Variants in PIEZO2 observed in about 807,000 individuals in gnomAD.
PIEZO2 encodes piezo-type mechanosensitive ion channel component 2.
PIEZO2 carries 172 observed loss-of-function variants against 337.3 expected under a neutral mutation model. The observed-to-expected ratio is 0.51, with a 90% CI of 0.45 to 0.58. The LOEUF is 0.58. Ranked by LOEUF, PIEZO2 falls within the 20% of genes least tolerant of loss-of-function variation. PIEZO2 has a pLI of 0.00. For synonymous variants in PIEZO2, 1,251 were observed against 1,228.5 expected, an observed-to-expected ratio of 1.02 and a Z score of -0.38; for missense variants, 3,028 against 3,391.3, an observed-to-expected ratio of 0.89 and a Z score of 2.66.
intron 3 of PIEZO2, among the ~76,000 whole-genome samples, chr18:10,934,682 T>TGTGTGTGTGTGG (rs57395445): frequency 7.0e-6 from 1 of 143,002 alleles, no homozygotes; most frequent in Non-Finnish European, 1.5e-5. Context: ...TGTGTGTGTG[T>TGTGTGTGTGTGG]TGGGCTCCTT....
At chr18:10,987,814 C>A (rs1186734170) in intron 2 of PIEZO2, among the ~76,000 whole-genome samples, 9 of 151,844 alleles carry the variant, frequency 5.9e-5, no homozygotes, top group Non-Finnish European at 1.2e-4. Flanking sequence ...GGTTAATATA[C>A]AAAATATATA....
At chr18:10,715,217 T>A (rs1006031180) in intron 38 of PIEZO2, among the ~76,000 whole-genome samples, 2 of 152,260 alleles carry the variant, frequency 1.3e-5, no homozygotes, top group Non-Finnish European at 2.9e-5. Context: ...ACCATATATT[T>A]TGTTATTCTG....
At chr18:10,984,506 C>CA (rs2034792788) in intron 2 of PIEZO2, among the ~76,000 whole-genome samples, 2 of 151,916 alleles carry the variant, frequency 1.3e-5, no homozygotes, top group South Asian at 4.2e-4. Context: ...TCAAAGAACT[C>CA]AAAGACAGAT....
rs368337453 is a variant in PIEZO2, at chr18:10,676,616, A to G, written c.8081+1131T>C. 1.3e-5 allele frequency among the ~76,000 whole-genome samples: 2 copies of G among 152,206 alleles called. No homozygotes were observed. Among genetic ancestry groups the G allele is most frequent in the African/African-American group, 4.8e-5 (2 of 41,442 alleles). On this transcript the variant is annotated intron_variant, in intron 53 of 55. Coordinates refer to ENST00000674853, the MANE Select transcript of PIEZO2 (RefSeq NM_001378183.1). This position sits in a 1 kb window ranked among gnomAD's most constrained non-coding sequence, Gnocchi z 5.1. Reference sequence around the variant, plus strand: ...GAATAATAGTAGAAAAGGGTCTCACAGGGTCTTTGCCTGGCTTTTGGTGAT... The same window carrying G: ...GAATAATAGTAGAAAAGGGTCTCACGGGGTCTTTGCCTGGCTTTTGGTGAT...
At chr18:10,923,636 T>G (rs1168727099) in intron 3 of PIEZO2, among the ~76,000 whole-genome samples, 2 of 152,258 alleles carry the variant, frequency 1.3e-5, no homozygotes, top group Non-Finnish European at 2.9e-5. Flanking sequence ...TATGTTTCAG[T>G]AGCTTCAATG....
rs2036537611 is a variant in PIEZO2 at position 10,726,334 on chromosome 18, G to A, written c.5029+5073C>T. On this transcript the variant is annotated intron_variant, in intron 36 of 55. Coordinates refer to ENST00000674853, the MANE Select transcript of PIEZO2 (RefSeq NM_001378183.1). This position sits in a 1 kb window ranked among gnomAD's most constrained non-coding sequence, Gnocchi z 5.9. Reference sequence around the variant, plus strand: ...GAGCAGGTGGGTCCCCGAACGCCCCGCCCAGCGCTGCCTCCCTTCGCCTTC... The same window carrying A: ...GAGCAGGTGGGTCCCCGAACGCCCCACCCAGCGCTGCCTCCCTTCGCCTTC... 2 of 1,455,214 alleles carry A rather than the reference G, an allele frequency of 1.4e-6. No individual in the cohort carries two copies. Among genetic ancestry groups the A allele is most frequent in the Non-Finnish European group, 1.8e-6 (2 of 1,090,470 alleles). The allele number at this position is 1,455,214 out of a possible 1,614,324, so 90.1% of individuals were successfully genotyped here. A position where few individuals can be genotyped will look rare whatever the true frequency, so the allele number is the denominator to read the frequency against.
chr18:10,995,082 A>AAAAAAAAAATAAAG (rs534311613), intron 2 of PIEZO2, among the ~76,000 whole-genome samples: 1 of 128,122 alleles, frequency 7.8e-6, no homozygotes. Context: ...CGTCTCAAAA[A>AAAAAAAAAATAAAG]AAAAAAAAAA....
intron 3 of PIEZO2, among the ~76,000 whole-genome samples, chr18:10,935,690 A>C (rs527408038): frequency 1.3e-5 from 2 of 152,308 alleles, no homozygotes; most frequent in African/African-American, 4.8e-5. Context: ...ACCAAGAGCA[A>C]CTGGGGCCGC....
intron 3 of PIEZO2, among the ~76,000 whole-genome samples, chr18:10,950,748 G>C (rs541409672): frequency 3.9e-5 from 6 of 152,002 alleles, no homozygotes; most frequent in South Asian, 4.2e-4. Flanking sequence ...TACCAAATCC[G>C]AGCTTCCTCG....
chr18:10,999,184 CAAAA>C (rs35723374), intron 2 of PIEZO2, among the ~76,000 whole-genome samples: 1 of 111,678 alleles, frequency 9.0e-6, no homozygotes, highest in African/African-American at 3.3e-5. Flanking sequence ...AAGGCAACAG[CAAAA>C]AAAAAAAAAA....
intron 5 of PIEZO2, among the ~76,000 whole-genome samples, chr18:10,867,419 A>C (rs995433609): frequency 2.6e-5 from 4 of 152,218 alleles, no homozygotes; most frequent in Non-Finnish European, 5.9e-5. Flanking sequence ...AGGAATTAGA[A>C]AGCAGGGTGC....
chr18:10,689,608 A>G (rs542144481), intron 49 of PIEZO2, 47 bp downstream of exon 49: 2 of 1,611,896 alleles, frequency 1.2e-6, no homozygotes, highest in Non-Finnish European at 1.7e-6. Flanking sequence ...ACCAGCCTGT[A>G]TCTAAGAGAA....
At chr18:10,798,704 A>G (rs1014721280) in intron 11 of PIEZO2, among the ~76,000 whole-genome samples, 1 of 152,194 alleles carries the variant, frequency 6.6e-6, no homozygotes, top group African/African-American at 2.4e-5. Context: ...ACTTGTCCAC[A>G]TGAAAGTAAT....
intron 1 of PIEZO2, among the ~76,000 whole-genome samples, chr18:11,139,894 C>T (rs970823812): frequency 2.0e-5 from 3 of 152,142 alleles, no homozygotes; most frequent in African/African-American, 7.2e-5. Flanking sequence ...GTAGACTGCC[C>T]ATCGAGTTCT....
At position 10,696,194 on chromosome 18, in the gene PIEZO2, A is replaced by G; in HGVS notation, c.7070T>C (p.Met2357Thr). Residue 2357 changes from methionine to threonine, a missense_variant, in exon 47 of 56, where the codon ATG (methionine) becomes ACG (threonine). By Grantham distance (81) the Met-to-Thr change is moderately conservative (BLOSUM62 -1). Coordinates refer to ENST00000674853, the MANE Select transcript of PIEZO2 (RefSeq NM_001378183.1). The part of the protein sequence containing the change: ...LVMVLIQFGT[M>T]VVDRALYLRK... The stretch of plus-strand genomic sequence containing the variant: ...GAGGTAGAGGGCTCGGTCCACCACC[A>G]TGGTTCCAAACTGAATGAGGACCAT... 6.2e-7 allele frequency: 1 copy of G among 1,613,642 alleles called. No homozygotes were observed. The highest frequency in any genetic ancestry group is 8.5e-7 in the Non-Finnish European group (1 of 1,179,652).
intron 47 of PIEZO2, among the ~76,000 whole-genome samples, chr18:10,693,785 T>A (rs2143655723): frequency 6.6e-6 from 1 of 152,206 alleles, no homozygotes; most frequent in South Asian, 2.1e-4. Flanking sequence ...GTATCTATCT[T>A]AATCTGCAAA....
Position 10,731,423 on chromosome 18 carries a change from C to T in PIEZO2, c.5013G>A (p.Arg1671=). The change falls in exon 36 of 56, where the codon CGG becomes CGA. Residue 1671 remains arginine, a synonymous_variant. Transcript: ENST00000674853. The part of the protein sequence containing the change: ...RSAREERKRR[R]KGSKEGPVEW... ...ACCACTCACCCTCCTTGGATCCTTT[C>T]CGCCTTCGTTTCCGTTCTTCTCTTG... 5.2e-6 allele frequency: 8 copies of T among 1,534,874 alleles called. No individual in the cohort carries two copies. The highest frequency in any genetic ancestry group is 7.0e-6 in the Non-Finnish European group (8 of 1,145,830).
In PIEZO2 at chr18:10,746,876, T is replaced by C. The variant is rs561152937; in HGVS notation, c.4424+1595A>G. ...GAGTGTATACTGTTTATAGACCACCTACTTTATGGTATTTTTGTTATGTCC... is the reference window on the plus strand; with the variant it reads ...GAGTGTATACTGTTTATAGACCACCCACTTTATGGTATTTTTGTTATGTCC... On this transcript the variant is annotated intron_variant, in intron 30 of 55. Transcript: ENST00000674853. This position sits in a 1 kb window ranked among gnomAD's most constrained non-coding sequence, Gnocchi z 4.2. 1.6e-4 allele frequency among the ~76,000 whole-genome samples: 24 copies of C among 152,300 alleles called. No homozygotes were observed. The highest frequency in any genetic ancestry group is 5.5e-4 in the African/African-American group (23 of 41,564).
intron 34 of PIEZO2, among the ~76,000 whole-genome samples, 97 bp from the exon 35 acceptor site, chr18:10,735,427 C>A (rs2036957574): frequency 6.6e-6 from 1 of 152,086 alleles, no homozygotes; most frequent in South Asian, 2.1e-4. Flanking sequence ...TACAGTTACA[C>A]CAACTAGGTT....
Sources: gnomAD v4.1 joint callset for allele counts (sites outside exome capture counted in the v4.1 genomes callset) on GRCh38, gnomAD v4.1.1 for gene constraint, Gnocchi (gnomAD v3.1) non-coding constraint, MANE v1.5 for transcripts, NCBI Gene and HGNC (gene_info 2026-07-23, HGNC 2026-07-21) for gene names.